ALDH8A1: variants seen among roughly 807,000 people sequenced by gnomAD.
ALDH8A1 encodes the protein 2-aminomuconic semialdehyde dehydrogenase.
Under a neutral mutation model 43.3 loss-of-function variants are expected in ALDH8A1, and 39 were observed. That is an observed-to-expected ratio of 0.90 (90% confidence interval 0.70 to 1.18). The LOEUF is 1.18. ALDH8A1 is among the 50% of genes most tolerant of loss of function. The probability of loss-of-function intolerance (pLI) is 0.00; values close to 1 mark genes in which losing one functional copy is unlikely to be tolerated. For synonymous variants in ALDH8A1, 233 were observed against 243.5 expected, an observed-to-expected ratio of 0.96 and a Z score of 0.40; for missense variants, 605 against 622.6, an observed-to-expected ratio of 0.97 and a Z score of 0.30.
intron 4 of ALDH8A1, among the ~76,000 whole-genome samples, chr6:134,933,975 C>T (rs1226553393): frequency 6.6e-6 from 1 of 152,156 alleles, no homozygotes; most frequent in African/African-American, 2.4e-5. Context: ...TGCCAAAGTA[C>T]TAGGATTACA....
At chr6:134,944,128 C>A (rs537520636) in intron 1 of ALDH8A1, 162 bp from the exon 2 acceptor site, 5 of 1,005,344 alleles carry the variant, frequency 5.0e-6, no homozygotes, top group Admixed American at 3.3e-5. Flanking sequence ...AGGGCAGTGG[C>A]GCAATTTTGG....
intron 4 of ALDH8A1, 32 bp downstream of exon 4, chr6:134,939,234 G>A (rs780865222): frequency 1.5e-5 from 24 of 1,610,082 alleles, no homozygotes; most frequent in Non-Finnish European, 2.0e-5. Flanking sequence ...CTCCAACTCT[G>A]TGCCTGCCCC....
chr6:134,932,211 G>T (rs1013430469), intron 5 of ALDH8A1, among the ~76,000 whole-genome samples: 1 of 152,114 alleles, frequency 6.6e-6, no homozygotes, highest in Non-Finnish European at 1.5e-5. Flanking sequence ...GAATGCCATA[G>T]CCTTAAAGAA....
rs1270908075 is a variant in ALDH8A1, at chr6:134,929,174, C to T, written c.891G>A (p.Lys297=). The change falls in exon 6 of 7, where the codon AAG becomes AAA. Residue 297 remains lysine, a synonymous_variant. Coordinates refer to ENST00000265605, the MANE Select transcript of ALDH8A1 (RefSeq NM_022568.4). ...CLCTSRIFVQ[K]SIYSEFLKRF... is the part of the protein sequence containing the mutation. Reference sequence around the variant, plus strand: ...TCTTTAAAAATTCACTATAGATGCTCTTCTGGACAAAGATCCTGCTGGTAC... The same window carrying T: ...TCTTTAAAAATTCACTATAGATGCTTTTCTGGACAAAGATCCTGCTGGTAC... 9 of 1,614,018 alleles carry T rather than the reference C, an allele frequency of 5.6e-6. No homozygotes were observed. The Admixed American group carries it at 1.5e-4, about 27-fold the overall frequency.
At chr6:134,943,414 T>C (rs1030506999) in intron 2 of ALDH8A1, among the ~76,000 whole-genome samples, 2 of 152,222 alleles carry the variant, frequency 1.3e-5, no homozygotes, top group African/African-American at 4.8e-5. Context: ...ACATCCTAAA[T>C]AATCTGACTG....
intron 4 of ALDH8A1, among the ~76,000 whole-genome samples, chr6:134,935,355 G>A (rs1294224635): frequency 6.6e-6 from 1 of 152,188 alleles, no homozygotes; most frequent in Non-Finnish European, 1.5e-5. Context: ...AGAAATTTGA[G>A]GGAAAGTGAG....
In ALDH8A1 at chr6:134,942,396, G is replaced by C. The variant is rs767519872; in HGVS notation, c.442+13C>G. 1.9e-6 allele frequency: 3 copies of C among 1,598,460 alleles called. No individual in the cohort carries two copies. The highest frequency in any genetic ancestry group is 3.4e-5 in the Admixed American group (2 of 58,998). On this transcript the variant is annotated intron_variant, in intron 3 of 6. Transcript: ENST00000265605. ...CATAACCGGGAGGTGGGCTCTCACT[G>C]AACAGCACTCACCGACTCCCACCGG...
chr6:134,930,883 C>A (rs767798645), intron 5 of ALDH8A1, among the ~76,000 whole-genome samples: 2 of 152,192 alleles, frequency 1.3e-5, no homozygotes, highest in Admixed American at 6.5e-5. Flanking sequence ...CCAGACACTG[C>A]GCAGGGTGCT....
chr6:134,939,187 G>C, intron 4 of ALDH8A1, 79 bp downstream of exon 4: 1 of 1,563,272 alleles, frequency 6.4e-7, no homozygotes. Flanking sequence ...AATCGATTGT[G>C]CTGCTGAGTG....
At chr6:134,920,228 G>C (rs1221969146) in intron 6 of ALDH8A1, among the ~76,000 whole-genome samples, 1 of 152,078 alleles carries the variant, frequency 6.6e-6, no homozygotes, top group East Asian at 1.9e-4. Context: ...TAGAGCATTT[G>C]GTACAGATTT....
At chr6:134,921,306 G>A (rs776656653) in intron 6 of ALDH8A1, among the ~76,000 whole-genome samples, 29 of 152,166 alleles carry the variant, frequency 1.9e-4, no homozygotes, top group Non-Finnish European at 2.5e-4. Context: ...CGGCCTCATT[G>A]TAAACCCTCC....
intron 1 of ALDH8A1, among the ~76,000 whole-genome samples, chr6:134,947,605 A>C (rs1160579257): frequency 2.0e-5 from 3 of 152,128 alleles, no homozygotes; most frequent in Non-Finnish European, 4.4e-5. Flanking sequence ...GATATTCCAC[A>C]AAAAGAAGAT....
intron 4 of ALDH8A1, among the ~76,000 whole-genome samples, chr6:134,938,681 T>A (rs551639123): frequency 1.3e-5 from 2 of 152,288 alleles, no homozygotes; most frequent in Non-Finnish European, 2.9e-5. Context: ...GGAGTCTCAC[T>A]CTGTCGCCCA....
At chr6:134,949,864 A>G in intron 1 of ALDH8A1, 52 bp downstream of exon 1, 1 of 1,486,268 alleles carries the variant, frequency 6.7e-7, no homozygotes. Flanking sequence ...GTTACCCATA[A>G]TTGGCCAACA....
At chr6:134,947,199 C>G (rs1184611281) in intron 1 of ALDH8A1, among the ~76,000 whole-genome samples, 1 of 152,064 alleles carries the variant, frequency 6.6e-6, no homozygotes, top group African/African-American at 2.4e-5. Context: ...GAAACTAGAC[C>G]CCTATCTCTC....
chr6:134,923,221 G>T (rs539619055), intron 6 of ALDH8A1, among the ~76,000 whole-genome samples: 1 of 151,962 alleles, frequency 6.6e-6, no homozygotes, highest in South Asian at 2.1e-4. Flanking sequence ...TTAGAGACAG[G>T]GTTTTGCCAT....
intron 5 of ALDH8A1, among the ~76,000 whole-genome samples, chr6:134,930,737 A>C (rs896886800): frequency 6.6e-6 from 1 of 152,220 alleles, no homozygotes; most frequent in South Asian, 2.1e-4. Flanking sequence ...CATGACGAAG[A>C]GGCTAGAGGG....
chr6:134,947,133 C>G lies in ALDH8A1; in HGVS notation c.138+2783G>C, dbSNP rs181189178. ...TGCCAAAAATATGCATTGGTGAAAA[C>G]ATAGTCTCTCCAATAAATGGTGCTG... is the stretch of plus-strand genomic sequence containing the variant. On this transcript the variant is annotated intron_variant, in intron 1 of 6. Transcript: ENST00000265605. 3.8e-3 allele frequency among the ~76,000 whole-genome samples: 586 copies of G among 152,280 alleles called. 3 individuals are homozygous for G. The highest frequency in any genetic ancestry group is 0.013 in the African/African-American group (525 of 41,564).
intron 1 of ALDH8A1, among the ~76,000 whole-genome samples, chr6:134,947,288 G>C (rs866632024): frequency 1.3e-5 from 2 of 152,136 alleles, no homozygotes; most frequent in South Asian, 4.1e-4. Flanking sequence ...AGAAAACATA[G>C]GGTAAATACT....
Sources: allele counts gnomAD v4.1 joint callset (sites outside exome capture counted in the v4.1 genomes callset), GRCh38; gene constraint gnomAD v4.1.1; transcripts MANE v1.5; gene names NCBI Gene and HGNC (gene_info 2026-07-23, HGNC 2026-07-21).